Variants in CASD1 observed in about 807,000 individuals in gnomAD.
CASD1 encodes the protein N-acetylneuraminate (7)9-O-acetyltransferase.
A neutral mutation model predicts 100.0 loss-of-function variants in CASD1; 41 were observed. The ratio of observed to expected loss-of-function variants is 0.41; its 90% confidence interval spans 0.32 to 0.53. The LOEUF (loss-of-function observed/expected upper bound fraction) is 0.53. Among genes scored for constraint, CASD1 ranks in the 20% least tolerant of loss-of-function variants. The pLI is 0.25. For missense variants in CASD1, 774 were observed against 948.7 expected (o/e 0.82, Z 2.42); for synonymous variants, 321 against 315.6 (o/e 1.02, Z -0.18).
At chr7:94,582,466 C>T in the CASD1 span, among the ~76,000 whole-genome samples, 33 of 152,170 alleles carry the variant, frequency 2.2e-4, no homozygotes, top group East Asian at 5.8e-4. Flanking sequence ...TGTCATCTTT[C>T]GACAATTGTC....
At chr7:94,633,740 A>G in the CASD1 span, among the ~76,000 whole-genome samples, 1 of 152,160 alleles carries the variant, frequency 6.6e-6, no homozygotes, top group South Asian at 2.1e-4. Flanking sequence ...GCTTATTACA[A>G]TTACCTTCAA....
At chr7:94,559,324 G>GTA (rs35592417), downstream of CASD1, among the ~76,000 whole-genome samples, 27 of 128,304 alleles carry the variant, frequency 2.1e-4, no homozygotes, top group African/African-American at 3.8e-4. Context: ...GTGTGTGTGT[G>GTA]TATATATATA....
chr7:94,585,865 G>T, the CASD1 span, among the ~76,000 whole-genome samples: 1 of 151,686 alleles, frequency 6.6e-6, no homozygotes, highest in African/African-American at 2.4e-5. Context: ...ATGTGGGCTG[G>T]TAGGGCAGAG....
At chr7:94,540,889 C>T (rs1240600055) in intron 10 of CASD1, among the ~76,000 whole-genome samples, 1 of 151,976 alleles carries the variant, frequency 6.6e-6, no homozygotes, top group Non-Finnish European at 1.5e-5. Context: ...TTAAAAAAAT[C>T]AGGTAGAAAG....
the CASD1 span, chr7:94,624,105 A>C: frequency 7.6e-6 from 3 of 392,508 alleles, no homozygotes; most frequent in Non-Finnish European, 1.3e-5. Context: ...TTCAAAACTT[A>C]AGGCCTATTT....
chr7:94,607,638 A>T, the CASD1 span, among the ~76,000 whole-genome samples: 2 of 152,184 alleles, frequency 1.3e-5, no homozygotes, highest in African/African-American at 4.8e-5. Context: ...CTAGGAATAG[A>T]GGGGAATTTC....
At chr7:94,585,446 T>G in the CASD1 span, 1 of 1,540,010 alleles carries the variant, frequency 6.5e-7, no homozygotes, top group Non-Finnish European at 9.0e-7. Context: ...AAATGTGATG[T>G]AACTGCTATA....
chr7:94,622,935 T>C, the CASD1 span, among the ~76,000 whole-genome samples: 2 of 152,134 alleles, frequency 1.3e-5, no homozygotes, highest in Non-Finnish European at 2.9e-5. Flanking sequence ...AATAAAATAA[T>C]AAAACTAGTT....
chr7:94,511,703 G>A, intron 1 of CASD1, among the ~76,000 whole-genome samples: 1 of 152,192 alleles, frequency 6.6e-6, no homozygotes, highest in Middle Eastern at 3.2e-3. Context: ...TGGTAGTAGA[G>A]AGAAATTTTA....
the CASD1 span, among the ~76,000 whole-genome samples, chr7:94,567,298 T>C: frequency 6.6e-6 from 1 of 152,188 alleles, no homozygotes; most frequent in South Asian, 2.1e-4. Flanking sequence ...TCTAACATGT[T>C]GAAATGGCCT....
At chr7:94,542,972 C>T (rs1218537398) in intron 10 of CASD1, among the ~76,000 whole-genome samples, 1 of 152,078 alleles carries the variant, frequency 6.6e-6, no homozygotes, top group Non-Finnish European at 1.5e-5. Flanking sequence ...GCTATAGGAA[C>T]TCAGGAAGGA....
chr7:94,629,394 T>C, the CASD1 span: 3 of 264,096 alleles, frequency 1.1e-5, no homozygotes, highest in South Asian at 1.3e-4. Flanking sequence ...CAATGTACTA[T>C]GTGAGAATCT....
At chr7:94,522,610 CAG>C (rs1794337900) in intron 3 of CASD1, among the ~76,000 whole-genome samples, 2 of 151,950 alleles carry the variant, frequency 1.3e-5, no homozygotes, top group South Asian at 4.2e-4. Flanking sequence ...ACTTTACAAT[CAG>C]GGAAATGTTT....
intron 5 of CASD1, among the ~76,000 whole-genome samples, chr7:94,528,793 T>C (rs1794704789): frequency 6.6e-6 from 1 of 152,190 alleles, no homozygotes; most frequent in South Asian, 2.1e-4. Flanking sequence ...AAGTCCATTT[T>C]ACAATCTCTG....
At chr7:94,589,771 T>C in the CASD1 span, 1 of 189,082 alleles carries the variant, frequency 5.3e-6, no homozygotes, top group South Asian at 1.4e-4. Flanking sequence ...GATGGTACTG[T>C]CTAGTTGCAG....
At chr7:94,601,775 AATTTC>A in the CASD1 span, among the ~76,000 whole-genome samples, 2 of 152,032 alleles carry the variant, frequency 1.3e-5, no homozygotes, top group Non-Finnish European at 2.9e-5. Context: ...ACTAAATATG[AATTTC>A]ATTTATTTTT....
chr7:94,583,035 AAGAT>A, the CASD1 span, among the ~76,000 whole-genome samples: 3 of 152,344 alleles, frequency 2.0e-5, no homozygotes, highest in South Asian at 6.2e-4. Context: ...TGGTATGGTC[AAGAT>A]ATGAGAACAG....
the CASD1 span, chr7:94,603,576 A>G: frequency 2.4e-6 from 2 of 847,608 alleles, no homozygotes; most frequent in Non-Finnish European, 3.8e-6. Context: ...TCCCTGAGGT[A>G]GGGGCCTCGG....
At chr7:94,605,866 C>T in the CASD1 span, among the ~76,000 whole-genome samples, 17 of 152,158 alleles carry the variant, frequency 1.1e-4, no homozygotes, top group East Asian at 9.7e-4. Context: ...GACACAGTCT[C>T]GCCCTGTCAC....
Sources: allele counts gnomAD v4.1 joint callset (sites outside exome capture counted in the v4.1 genomes callset), GRCh38; gene constraint gnomAD v4.1.1; transcripts MANE v1.5; gene names NCBI Gene and HGNC (gene_info 2026-07-23, HGNC 2026-07-21).